KCNT2: variants seen among roughly 807,000 people sequenced by gnomAD.
The protein encoded by KCNT2 is potassium channel subfamily T member 2.
In KCNT2, 67 loss-of-function variants were observed where a neutral mutation model predicts 153.8. That is an observed-to-expected ratio of 0.44 (90% confidence interval 0.36 to 0.53). KCNT2 has a LOEUF of 0.53. Ranked by LOEUF, KCNT2 falls within the 20% of genes least tolerant of loss-of-function variation. KCNT2 has a pLI of 0.00. For missense variants in KCNT2, 975 were observed against 1,354.8 expected (o/e 0.72, Z 4.40); for synonymous variants, 500 against 458.8 (o/e 1.09, Z -1.15).
intron 19 of KCNT2, among the ~76,000 whole-genome samples, chr1:196,321,568 G>A (rs916691168): frequency 1.3e-5 from 2 of 151,908 alleles, no homozygotes; most frequent in Admixed American, 1.3e-4. Flanking sequence ...GGCAAGCAAT[G>A]TGCCAAATCC....
At chr1:196,230,251 C>T (rs1653831672) in intron 27 of KCNT2, among the ~76,000 whole-genome samples, 1 of 151,938 alleles carries the variant, frequency 6.6e-6, no homozygotes, top group Non-Finnish European at 1.5e-5. Flanking sequence ...TCTGGAAATC[C>T]TAGGACACTT....
At chr1:196,340,212 T>C in intron 16 of KCNT2, 129 bp downstream of exon 16, 1 of 609,018 alleles carries the variant, frequency 1.6e-6, no homozygotes, top group Non-Finnish European at 2.8e-6. Flanking sequence ...TAGTCATACC[T>C]AGTTTGTAAA....
intron 1 of KCNT2, among the ~76,000 whole-genome samples, chr1:196,601,215 C>G (rs1664680021): frequency 6.6e-6 from 1 of 152,204 alleles, no homozygotes; most frequent in African/African-American, 2.4e-5. Context: ...CTCATCCTTA[C>G]ACCTCGATCT....
chr1:196,386,347 A>C (rs1234013079), intron 13 of KCNT2, among the ~76,000 whole-genome samples: 1 of 152,150 alleles, frequency 6.6e-6, no homozygotes, highest in East Asian at 1.9e-4. Flanking sequence ...TTTATACCAC[A>C]AAGTTTTGGG....
At chr1:196,385,171 T>A (rs1162438889) in intron 13 of KCNT2, among the ~76,000 whole-genome samples, 1 of 152,148 alleles carries the variant, frequency 6.6e-6, no homozygotes, top group African/African-American at 2.4e-5. Flanking sequence ...TTCTTCAACA[T>A]CACCAACTTC....
At chr1:196,432,803 G>C (rs1032187289) in intron 8 of KCNT2, among the ~76,000 whole-genome samples, 2 of 152,032 alleles carry the variant, frequency 1.3e-5, no homozygotes, top group African/African-American at 4.8e-5. Flanking sequence ...TGAGACTTTG[G>C]ACTTAGAGTT....
At chr1:196,605,050 C>T (rs954363905) in intron 1 of KCNT2, among the ~76,000 whole-genome samples, 2 of 152,156 alleles carry the variant, frequency 1.3e-5, no homozygotes, top group Admixed American at 6.6e-5. Flanking sequence ...TCATATGCTT[C>T]ATTCATTTTC....
At chr1:196,352,798 A>T (rs930511274) in intron 14 of KCNT2, among the ~76,000 whole-genome samples, 2 of 151,970 alleles carry the variant, frequency 1.3e-5, no homozygotes, top group Non-Finnish European at 2.9e-5. Context: ...TTGTGATGTT[A>T]GGGTGTCAAT....
intron 1 of KCNT2, among the ~76,000 whole-genome samples, chr1:196,554,868 C>G (rs1418181470): frequency 1.3e-5 from 2 of 151,102 alleles, no homozygotes; most frequent in Non-Finnish European, 3.0e-5. Flanking sequence ...ATCATATCAA[C>G]AGAAGGAAGA....
chr1:196,598,855 A>C (rs1039965282), intron 1 of KCNT2, among the ~76,000 whole-genome samples: 1 of 152,212 alleles, frequency 6.6e-6, no homozygotes, highest in African/African-American at 2.4e-5. Flanking sequence ...AAAATGTTTG[A>C]CACATGCTAA....
At chr1:196,436,231 T>C (rs1558288614) in intron 8 of KCNT2, among the ~76,000 whole-genome samples, 1 of 151,592 alleles carries the variant, frequency 6.6e-6, no homozygotes, top group Non-Finnish European at 1.5e-5. Context: ...GCAACACAAC[T>C]GGAGAGGTTT....
chr1:196,537,989 C>T (rs1012263809), intron 1 of KCNT2, among the ~76,000 whole-genome samples: 10 of 152,196 alleles, frequency 6.6e-5, no homozygotes, highest in African/African-American at 2.4e-4. Flanking sequence ...GGTCCCCATT[C>T]ATGGCAGCTT....
chr1:196,420,261 T>C (rs1673091040), intron 12 of KCNT2, among the ~76,000 whole-genome samples: 1 of 152,010 alleles, frequency 6.6e-6, no homozygotes, highest in Non-Finnish European at 1.5e-5. Flanking sequence ...GTATGTACCA[T>C]ATTCTCATGT....
chr1:196,394,840 G>A (rs763584142), intron 13 of KCNT2, among the ~76,000 whole-genome samples: 34 of 151,346 alleles, frequency 2.2e-4, no homozygotes, highest in Admixed American at 2.0e-4. Flanking sequence ...GAAAAATACT[G>A]GATAAAAGTT....
chr1:196,325,287 G>A (rs936547100), intron 19 of KCNT2, among the ~76,000 whole-genome samples: 1 of 152,076 alleles, frequency 6.6e-6, no homozygotes, highest in African/African-American at 2.4e-5. Flanking sequence ...CTACCTTCCT[G>A]TCTGTAACCT....
At chr1:196,411,790 A>G (rs1012726182) in intron 12 of KCNT2, among the ~76,000 whole-genome samples, 3 of 151,748 alleles carry the variant, frequency 2.0e-5, no homozygotes, top group Middle Eastern at 3.2e-3. Flanking sequence ...TCCCTTATCC[A>G]CAGGGGTGGG....
chr1:196,338,837 G>A lies in KCNT2; in HGVS notation c.1783+1504C>T, dbSNP rs535507043. On this transcript the variant is annotated intron_variant, in intron 16 of 27. Coordinates refer to ENST00000294725, the MANE Select transcript of KCNT2 (RefSeq NM_198503.5). ...TGAATGATTCTAGGGGCTATTTACT[G>A]ACCAGATTTAATAGAATTTGGTTAA... is the stretch of plus-strand genomic sequence containing the variant. Among the ~76,000 whole-genome samples the A allele has an allele frequency of 8.7e-5, 13 of 149,348 alleles. No individual in the cohort carries two copies. In the Middle Eastern group the frequency reaches 0.01, roughly 118 times the overall value.
In KCNT2 at chr1:196,284,484, T is replaced by C. The variant is rs554513064; in HGVS notation, c.2697+1173A>G. Among the ~76,000 whole-genome samples, 6 of 151,494 alleles carry C rather than the reference T, an allele frequency of 4.0e-5. No homozygotes were observed. The South Asian group carries it at 8.4e-4, about 21-fold the overall frequency. ...AAGATTTTATTTAAACAGAGGATAC[T>C]GTGGCTAAAAAAATCTTAAAACTAC... On this transcript the variant is annotated intron_variant, in intron 23 of 27. Coordinates refer to ENST00000294725, the MANE Select transcript of KCNT2 (RefSeq NM_198503.5).
rs181949439 is a variant in KCNT2, at chr1:196,270,916, C to T, written c.2910+9944G>A. ...AGGGGCTATCACTCAATCACCTTCA[C>T]TATATTATAGTCCAGAAGAAAGGAC... is the stretch of plus-strand genomic sequence containing the variant. On this transcript the variant is annotated intron_variant, in intron 25 of 27. Coordinates refer to ENST00000294725, the MANE Select transcript of KCNT2 (RefSeq NM_198503.5). 1.8e-3 allele frequency among the ~76,000 whole-genome samples: 274 copies of T among 151,922 alleles called. 1 individual carries two copies. Among genetic ancestry groups the T allele is most frequent in the Non-Finnish European group, 3.1e-3 (209 of 67,918 alleles).
Sources: allele counts gnomAD v4.1 joint callset (sites outside exome capture counted in the v4.1 genomes callset), GRCh38; gene constraint gnomAD v4.1.1; transcripts MANE v1.5; gene names NCBI Gene and HGNC (gene_info 2026-07-23, HGNC 2026-07-21).